CAMTA1: variants seen among roughly 807,000 people sequenced by gnomAD.
The protein encoded by CAMTA1 is calmodulin-binding transcription activator 1.
CAMTA1 carries 27 observed loss-of-function variants against 170.9 expected under a neutral mutation model. The ratio of observed to expected loss-of-function variants is 0.16; its 90% confidence interval spans 0.12 to 0.22. The LOEUF (loss-of-function observed/expected upper bound fraction) is 0.22, where lower values mean the gene tolerates loss of function less well. Among genes scored for constraint, CAMTA1 ranks in the 10% least tolerant of loss-of-function variants. CAMTA1 has a pLI of 1.00. For missense variants in CAMTA1, 1,619 were observed against 2,217.2 expected, an observed-to-expected ratio of 0.73 and a Z score of 5.42; for synonymous variants, 833 against 891.5, an observed-to-expected ratio of 0.93 and a Z score of 1.17.
intron 6 of CAMTA1, among the ~76,000 whole-genome samples, chr1:7,504,252 G>T (rs1028529399): frequency 3.9e-5 from 6 of 152,182 alleles, no homozygotes; most frequent in Admixed American, 3.9e-4. Context: ...TGACAACCAG[G>T]CCATGCAGCC....
intron 5 of CAMTA1, among the ~76,000 whole-genome samples, chr1:7,337,618 G>T (rs912561234): frequency 6.6e-6 from 1 of 151,924 alleles, no homozygotes; most frequent in African/African-American, 2.4e-5. Flanking sequence ...CAATCACAAT[G>T]TGGGCGGTGG....
At position 7,734,395 on chromosome 1, in the gene CAMTA1, C is replaced by T. The variant is rs1024781855; in HGVS notation, c.3066+1796C>T. Reference sequence around the variant, plus strand: ...ATGTCATTTTAAAGCTCAGCCACTACGCAGCTGGCTCAAACGCTATGCAAC... The same window carrying T: ...ATGTCATTTTAAAGCTCAGCCACTATGCAGCTGGCTCAAACGCTATGCAAC... On this transcript the variant is annotated intron_variant, in intron 12 of 22. Coordinates refer to ENST00000303635, the MANE Select transcript of CAMTA1 (RefSeq NM_015215.4). 4.0e-4 allele frequency among the ~76,000 whole-genome samples: 61 copies of T among 152,324 alleles called. 2 individuals carry two copies. The highest frequency in any genetic ancestry group is 6.2e-4 in the South Asian group (3 of 4,832).
intron 5 of CAMTA1, among the ~76,000 whole-genome samples, chr1:7,319,433 G>A (rs1460919268): frequency 6.6e-5 from 10 of 152,108 alleles, no homozygotes; most frequent in Non-Finnish European, 1.3e-4. Flanking sequence ...TCCTGCCCCG[G>A]CCATGTGAAA....
chr1:7,508,475 G>A (rs919214743), intron 6 of CAMTA1, among the ~76,000 whole-genome samples: 2 of 152,198 alleles, frequency 1.3e-5, no homozygotes, highest in Non-Finnish European at 2.9e-5. Context: ...AGCAGGGGGC[G>A]GACTAAAGTG....
intron 3 of CAMTA1, among the ~76,000 whole-genome samples, chr1:6,953,948 G>A (rs1688991379): frequency 1.3e-5 from 2 of 152,166 alleles, no homozygotes; most frequent in Non-Finnish European, 2.9e-5. Context: ...GGGGTTGCCA[G>A]GTCTTCTGAG....
At chr1:7,237,436 G>A (rs1664092191) in intron 4 of CAMTA1, among the ~76,000 whole-genome samples, 1 of 152,164 alleles carries the variant, frequency 6.6e-6, no homozygotes, top group African/African-American at 2.4e-5. Flanking sequence ...TTGAGGTCCT[G>A]GAAATGATCA....
chr1:6,893,047 C>T (rs760759711), intron 3 of CAMTA1, among the ~76,000 whole-genome samples: 35 of 151,654 alleles, frequency 2.3e-4, no homozygotes, highest in Admixed American at 3.3e-4. Flanking sequence ...TTTGGGAGGC[C>T]GAGGCGGGCG....
chr1:6,898,658 T>C (rs1023491843), intron 3 of CAMTA1, among the ~76,000 whole-genome samples: 2 of 152,238 alleles, frequency 1.3e-5, no homozygotes, highest in Non-Finnish European at 2.9e-5. Flanking sequence ...ACAGTTATCC[T>C]GGGTGGAGTT....
chr1:7,111,905 A>AT (rs1644075267), intron 4 of CAMTA1, among the ~76,000 whole-genome samples: 1 of 144,340 alleles, frequency 6.9e-6, no homozygotes. Context: ...AAAAAAAAAA[A>AT]AAAAAAACCG....
intron 5 of CAMTA1, among the ~76,000 whole-genome samples, chr1:7,261,764 A>G (rs961763079): frequency 1.3e-5 from 2 of 152,246 alleles, no homozygotes; most frequent in South Asian, 2.1e-4. Flanking sequence ...GTAACATTCA[A>G]TGATGAATAA....
intron 6 of CAMTA1, among the ~76,000 whole-genome samples, chr1:7,489,741 A>T (rs981044247): frequency 6.6e-6 from 1 of 152,186 alleles, no homozygotes; most frequent in African/African-American, 2.4e-5. Flanking sequence ...GGTGGAGGCG[A>T]TCCTCATTCC....
chr1:7,720,139 C>T (rs2096639809), intron 11 of CAMTA1, among the ~76,000 whole-genome samples: 1 of 152,190 alleles, frequency 6.6e-6, no homozygotes, highest in Non-Finnish European at 1.5e-5. Flanking sequence ...GATGTGCAGG[C>T]ATTCATATTC....
Position 7,665,716 on chromosome 1 carries a change from A to G in CAMTA1, c.2652+517A>G, listed in dbSNP as rs4908470. 0.075 allele frequency among the ~76,000 whole-genome samples: 11,396 copies of G among 151,900 alleles called. 948 individuals are homozygous for G. The highest frequency in any genetic ancestry group is 0.25 in the East Asian group (1,300 of 5,144). Reference sequence around the variant, plus strand: ...GATGACAGAGTGAAACCCTGTCTCAAAAAAAAAGAGAGAAAGTCAGGGTAT... The same window carrying G: ...GATGACAGAGTGAAACCCTGTCTCAGAAAAAAAGAGAGAAAGTCAGGGTAT... On this transcript the variant is annotated intron_variant, in intron 9 of 22. Coordinates refer to ENST00000303635, the MANE Select transcript of CAMTA1 (RefSeq NM_015215.4). The surrounding 1 kb of genome is among the most constrained non-coding windows in gnomAD (Gnocchi z 4.3).
chr1:7,651,823 T>A (rs956699705), intron 7 of CAMTA1, among the ~76,000 whole-genome samples: 1 of 152,236 alleles, frequency 6.6e-6, no homozygotes, highest in African/African-American at 2.4e-5. Context: ...TGCGGCCACA[T>A]GGGGGCCCCG....
rs78163968 is a variant in CAMTA1, at chr1:6,913,641, G to A, written c.234+88431G>A. Among the ~76,000 whole-genome samples the A allele has an allele frequency of 1.5e-3, 234 of 152,124 alleles. 1 individual carries two copies. The highest frequency in any genetic ancestry group is 5.1e-3 in the African/African-American group (213 of 41,502). On this transcript the variant is annotated intron_variant, in intron 3 of 22. Coordinates refer to ENST00000303635, the MANE Select transcript of CAMTA1 (RefSeq NM_015215.4). ...TTTTCAAGTAGCTTTATGGATGAGC[G>A]TTTCTGTTTGATTCAGCACAAACTG...
intron 6 of CAMTA1, among the ~76,000 whole-genome samples, chr1:7,617,155 A>G (rs2095564508): frequency 2.0e-5 from 3 of 152,184 alleles, no homozygotes; most frequent in Non-Finnish European, 2.9e-5. Context: ...CTTGACCTTC[A>G]CTTCCAGCCA....
intron 3 of CAMTA1, among the ~76,000 whole-genome samples, chr1:6,953,935 G>A (rs1389297127): frequency 6.6e-6 from 1 of 152,174 alleles, no homozygotes; most frequent in Non-Finnish European, 1.5e-5. Flanking sequence ...GGATTCCAGG[G>A]CTGGGGTTGC....
At chr1:6,838,241 A>ACCCCAGAAAAGCTTGTGATGCAG (rs1654091552) in intron 3 of CAMTA1, among the ~76,000 whole-genome samples, 1 of 152,168 alleles carries the variant, frequency 6.6e-6, no homozygotes, top group Non-Finnish European at 1.5e-5. Flanking sequence ...CATGGGAGCT[A>ACCCCAGAAAAGCTTGTGATGCAG]CCCCAGAAAA....
Position 7,234,184 on chromosome 1 carries a change from T to A in CAMTA1, c.303-15307T>A, listed in dbSNP as rs998961647. Among the ~76,000 whole-genome samples the A allele has an allele frequency of 6.6e-6, 1 of 152,178 alleles. No individual in the cohort carries two copies. The highest frequency in any genetic ancestry group is 2.4e-5 in the African/African-American group (1 of 41,464). On this transcript the variant is annotated intron_variant, in intron 4 of 22. Coordinates refer to ENST00000303635, the MANE Select transcript of CAMTA1 (RefSeq NM_015215.4). The surrounding 1 kb of genome is among the most constrained non-coding windows in gnomAD (Gnocchi z 5.0). Reference sequence around the variant, plus strand: ...GCTCTCTCGCCCCGTCTCCTGCCCCTGCCCTGTTCTTTGTCTGCCAGCCTC... The same window carrying A: ...GCTCTCTCGCCCCGTCTCCTGCCCCAGCCCTGTTCTTTGTCTGCCAGCCTC...
Sources: gnomAD v4.1 joint callset for allele counts (sites outside exome capture counted in the v4.1 genomes callset) on GRCh38, gnomAD v4.1.1 for gene constraint, Gnocchi (gnomAD v3.1) non-coding constraint, MANE v1.5 for transcripts, NCBI Gene and HGNC (gene_info 2026-07-23, HGNC 2026-07-21) for gene names.